GNAQ: variants seen among roughly 807,000 people sequenced by gnomAD.
GNAQ encodes the protein G protein subunit alpha q, also known as guanine nucleotide-binding protein G(q) subunit alpha.
Under a neutral mutation model 43.9 loss-of-function variants are expected in GNAQ, and 8 were observed. The observed-to-expected ratio is 0.18, with a 90% CI of 0.11 to 0.33. The LOEUF (loss-of-function observed/expected upper bound fraction) is 0.33. Among genes scored for constraint, GNAQ ranks in the 10% least tolerant of loss-of-function variants. GNAQ has a pLI of 1.00. For missense variants in GNAQ, 158 were observed against 450.8 expected (o/e 0.35, Z 5.88); for synonymous variants, 155 against 170.7 (o/e 0.91, Z 0.71).
At position 78,027,058 on chromosome 9, in the gene GNAQ, T is replaced by C. The variant is rs1823992122; in HGVS notation, c.136+4042A>G. 2.6e-5 allele frequency among the ~76,000 whole-genome samples: 4 copies of C among 151,984 alleles called. No homozygotes were observed. The South Asian group carries it at 8.3e-4, about 32-fold the overall frequency. ...AAAAAGTAATAAAAATATAGAATGG[T>C]TTTTCTTTTCTTTAAACTTTCATAC... On this transcript the variant is annotated intron_variant, in intron 1 of 6. Transcript: ENST00000286548.
intron 1 of GNAQ, among the ~76,000 whole-genome samples, chr9:78,013,597 T>C (rs941922792): frequency 2.0e-5 from 3 of 151,974 alleles, no homozygotes; most frequent in African/African-American, 7.3e-5. Flanking sequence ...AAAATAAATA[T>C]ATAAAATAAA....
At position 77,997,240 on chromosome 9, in the gene GNAQ, T is replaced by A. The variant is rs544949475; in HGVS notation, c.136+33860A>T. ...TTTTAACAGTAACATGGAGGTAACT[T>A]CTATGAGTATTCTCAAGGCCTCCAT... is the stretch of plus-strand genomic sequence containing the variant. On this transcript the variant is annotated intron_variant, in intron 1 of 6. Coordinates refer to ENST00000286548, the MANE Select transcript of GNAQ (RefSeq NM_002072.5). 6.6e-5 allele frequency among the ~76,000 whole-genome samples: 10 copies of A among 152,354 alleles called. No homozygotes were observed. The East Asian group carries it at 1.9e-3, about 29-fold the overall frequency.
intron 2 of GNAQ, among the ~76,000 whole-genome samples, chr9:77,874,110 AAAAAAACAAAAAAAC>A (rs1307299056): frequency 2.5e-5 from 3 of 121,500 alleles, no homozygotes; most frequent in South Asian, 2.3e-4. Context: ...ATCTCAAAAA[AAAAAAACAAAAAAAC>A]AAAAAAACAA....
At chr9:77,979,591 A>C (rs1456987776) in intron 1 of GNAQ, among the ~76,000 whole-genome samples, 3 of 152,158 alleles carry the variant, frequency 2.0e-5, no homozygotes, top group Non-Finnish European at 4.4e-5. Flanking sequence ...TAATAAAAAG[A>C]ACCTCTGAGG....
rs147670687 is a variant in GNAQ, at chr9:77,738,110, C to T, written c.736-9443G>A. On this transcript the variant is annotated intron_variant, in intron 5 of 6. Coordinates refer to ENST00000286548, the MANE Select transcript of GNAQ (RefSeq NM_002072.5). Reference sequence around the variant, plus strand: ...ATTGTGAAGAACAGTAAACAGAGGACGTGGTGGTGTGGTCATTTTAAATTT... The same window carrying T: ...ATTGTGAAGAACAGTAAACAGAGGATGTGGTGGTGTGGTCATTTTAAATTT... 7.9e-5 allele frequency among the ~76,000 whole-genome samples: 12 copies of T among 152,276 alleles called. No homozygotes were observed. In the East Asian group the frequency reaches 1.5e-3, roughly 20 times the overall value.
chr9:77,967,637 T>A (rs1823184425), intron 1 of GNAQ, among the ~76,000 whole-genome samples: 1 of 152,118 alleles, frequency 6.6e-6, no homozygotes, highest in Admixed American at 6.5e-5. Flanking sequence ...ATTAGGTAGA[T>A]TAGTGGTTAT....
At chr9:77,817,238 T>G (rs1827033106) in intron 2 of GNAQ, among the ~76,000 whole-genome samples, 1 of 152,220 alleles carries the variant, frequency 6.6e-6, no homozygotes, top group Non-Finnish European at 1.5e-5. Context: ...GAATCCCCAC[T>G]GCTGTGCTCT....
At chr9:77,921,640 T>C (rs1028118445) in intron 2 of GNAQ, among the ~76,000 whole-genome samples, 5 of 152,200 alleles carry the variant, frequency 3.3e-5, no homozygotes, top group African/African-American at 4.8e-5. Flanking sequence ...GGGAAATGCG[T>C]TGGAAAGGTT....
At chr9:78,026,451 C>T in intron 1 of GNAQ, among the ~76,000 whole-genome samples, 1 of 152,170 alleles carries the variant, frequency 6.6e-6, no homozygotes, top group Admixed American at 6.5e-5. Flanking sequence ...CCAAATAAAT[C>T]CTGACATTCA....
intron 1 of GNAQ, among the ~76,000 whole-genome samples, chr9:78,028,316 T>C (rs542008588): frequency 5.3e-5 from 8 of 152,198 alleles, no homozygotes; most frequent in Non-Finnish European, 1.2e-4. Flanking sequence ...AAAATAAAAA[T>C]ATATAATATA....
At chr9:77,993,240 T>A (rs891244097) in intron 1 of GNAQ, among the ~76,000 whole-genome samples, 34 of 152,176 alleles carry the variant, frequency 2.2e-4, no homozygotes, top group African/African-American at 7.2e-4. Context: ...GGTATTCAAT[T>A]TTTTAATTAG....
intron 1 of GNAQ, among the ~76,000 whole-genome samples, chr9:77,988,028 C>T (rs7858398): frequency 6.6e-6 from 1 of 151,984 alleles, no homozygotes; most frequent in East Asian, 1.9e-4. Context: ...ATTCCTGGTG[C>T]GAAAAGCAAT....
At chr9:77,851,927 A>G (rs1484379111) in intron 2 of GNAQ, among the ~76,000 whole-genome samples, 1 of 152,072 alleles carries the variant, frequency 6.6e-6, no homozygotes. Context: ...TTTCTTTTCT[A>G]GCTTTAGGTA....
At chr9:77,940,194 T>C (rs1829294247) in intron 1 of GNAQ, among the ~76,000 whole-genome samples, 1 of 152,140 alleles carries the variant, frequency 6.6e-6, no homozygotes. Context: ...AAAATCTGAA[T>C]ATTAGCAGTA....
chr9:77,837,847 A>ATTT (rs71360655), intron 2 of GNAQ, among the ~76,000 whole-genome samples: 18 of 128,960 alleles, frequency 1.4e-4, no homozygotes, highest in South Asian at 2.4e-4. Flanking sequence ...AGTGATTTAA[A>ATTT]TTTTTTTTTT....
chr9:77,824,307 T>C (rs990425580), intron 2 of GNAQ, among the ~76,000 whole-genome samples: 1 of 152,210 alleles, frequency 6.6e-6, no homozygotes, highest in Non-Finnish European at 1.5e-5. Context: ...TTGGTTCAGA[T>C]ACTTGGTAAG....
chr9:77,763,640 T>G (rs1167319341), intron 5 of GNAQ, among the ~76,000 whole-genome samples: 1 of 152,246 alleles, frequency 6.6e-6, no homozygotes, highest in East Asian at 1.9e-4. Context: ...TGAAGAGATA[T>G]TATTTACATT....
rs139733242 is a variant in GNAQ, at chr9:77,779,525, C to T, written c.735+14938G>A. 4.0e-4 allele frequency among the ~76,000 whole-genome samples: 60 copies of T among 151,134 alleles called. No homozygotes were observed. In the East Asian group the frequency reaches 0.011, roughly 27 times the overall value. On this transcript the variant is annotated intron_variant, in intron 5 of 6. Transcript: ENST00000286548. ...TAGAAATAGAAGAGCAAAGTAAATC[C>T]GAAGTATGCAGAAGAAAATAAGTAA...
At chr9:77,743,749 T>C (rs2164519) in intron 5 of GNAQ, among the ~76,000 whole-genome samples, 1 of 152,144 alleles carries the variant, frequency 6.6e-6, no homozygotes, top group African/African-American at 2.4e-5. Context: ...TTTATTCAAC[T>C]ACAAAAACAT....
Sources: gnomAD v4.1 joint callset for allele counts (sites outside exome capture counted in the v4.1 genomes callset) on GRCh38, gnomAD v4.1.1 for gene constraint, MANE v1.5 for transcripts, NCBI Gene and HGNC (gene_info 2026-07-23, HGNC 2026-07-21) for gene names.